ILKAP: variants seen among roughly 807,000 people sequenced by gnomAD.
The protein encoded by ILKAP is integrin-linked kinase-associated serine/threonine phosphatase 2C.
Under a neutral mutation model 49.1 loss-of-function variants are expected in ILKAP, and 11 were observed. That is an observed-to-expected ratio of 0.22 (90% confidence interval 0.14 to 0.37). The LOEUF is 0.37. Among genes scored for constraint, ILKAP ranks in the 10% least tolerant of loss-of-function variants. The probability of loss-of-function intolerance (pLI) is 1.00; values close to 1 mark genes in which losing one functional copy is unlikely to be tolerated. For missense variants in ILKAP, 363 were observed against 510.8 expected, an observed-to-expected ratio of 0.71 and a Z score of 2.79; for synonymous variants, 186 against 192.8, an observed-to-expected ratio of 0.96 and a Z score of 0.29.
chr2:238,194,178 A>G lies in ILKAP; in HGVS notation c.178+97T>C, dbSNP rs1694255561. The G allele has an allele frequency of 1.7e-5, 18 of 1,049,492 alleles. No homozygotes were observed. The South Asian group carries it at 2.5e-4, about 14-fold the overall frequency. 65.0% of individuals were successfully genotyped at this position (1,049,492 alleles called of 1,614,324 possible). On this transcript the variant is annotated intron_variant, in intron 3 of 11. Coordinates refer to ENST00000254654, the MANE Select transcript of ILKAP (RefSeq NM_030768.3). ...TTATGCTGTATTATGACTTAATGTC[A>G]TCCAAAATCCCGTTAAAACCTATAC...
At chr2:238,190,527 A>G (rs917242626) in intron 3 of ILKAP, among the ~76,000 whole-genome samples, 1 of 152,190 alleles carries the variant, frequency 6.6e-6, no homozygotes, top group African/African-American at 2.4e-5. Flanking sequence ...TTGAAATGAG[A>G]AAAGTCAAGT....
intron 5 of ILKAP, 88 bp from the exon 6 acceptor site, chr2:238,185,375 G>A (rs2106333693): frequency 2.4e-6 from 2 of 819,820 alleles, no homozygotes; most frequent in South Asian, 1.5e-5. Flanking sequence ...CTCAAAGAGT[G>A]AACATTAATA....
chr2:238,193,154 TAA>T (rs1196582271), intron 3 of ILKAP, among the ~76,000 whole-genome samples: 2 of 152,250 alleles, frequency 1.3e-5, no homozygotes, highest in African/African-American at 2.4e-5. Context: ...TGTAGATAAA[TAA>T]GAGACAGCTA....
chr2:238,176,150 T>TTTTA (rs1247530009), intron 9 of ILKAP, among the ~76,000 whole-genome samples: 2 of 148,022 alleles, frequency 1.4e-5, no homozygotes, highest in Non-Finnish European at 3.0e-5. Context: ...TTTTTTTTTT[T>TTTTA]TGAGACAGAG....
chr2:238,176,773 TTGCA>T (rs1191322758), intron 9 of ILKAP, among the ~76,000 whole-genome samples: 2 of 152,260 alleles, frequency 1.3e-5, no homozygotes, highest in East Asian at 3.8e-4. Flanking sequence ...TCAGCTCCTC[TTGCA>T]TGTCAGTAAA....
intron 9 of ILKAP, among the ~76,000 whole-genome samples, chr2:238,178,352 G>C (rs1015713748): frequency 3.9e-5 from 6 of 152,104 alleles, no homozygotes; most frequent in Admixed American, 1.3e-4. Flanking sequence ...TGGCTCCATG[G>C]TGCCATTTTT....
intron 5 of ILKAP, 91 bp from the exon 6 acceptor site, chr2:238,185,378 C>T (rs1306375642): frequency 6.3e-6 from 5 of 795,568 alleles, no homozygotes; most frequent in Non-Finnish European, 8.5e-6. Context: ...AAAGAGTGAA[C>T]ATTAATAAGT....
chr2:238,195,291 G>T (rs1261924110), intron 1 of ILKAP, among the ~76,000 whole-genome samples: 1 of 152,166 alleles, frequency 6.6e-6, no homozygotes, highest in Non-Finnish European at 1.5e-5. Flanking sequence ...GGGTGGGGTG[G>T]AGGAGGGGCC....
chr2:238,177,972 T>C (rs1193467053), intron 9 of ILKAP, among the ~76,000 whole-genome samples: 1 of 152,154 alleles, frequency 6.6e-6, no homozygotes, highest in Non-Finnish European at 1.5e-5. Context: ...CCCTGTAATT[T>C]ATAAAGGGAA....
chr2:238,198,467 G>A (rs948583474), intron 1 of ILKAP, among the ~76,000 whole-genome samples: 4 of 152,146 alleles, frequency 2.6e-5, no homozygotes, highest in East Asian at 1.9e-4. Context: ...ACGAACTACT[G>A]TACTCAAGCA....
chr2:238,185,326 C>T (rs746912013), intron 5 of ILKAP, 39 bp from the exon 6 acceptor site: 1 of 1,271,564 alleles, frequency 7.9e-7, no homozygotes, highest in South Asian at 1.2e-5. Flanking sequence ...ATTCTCACAG[C>T]AAAAACCACA....
chr2:238,170,443 T>A lies in ILKAP; in HGVS notation c.*93A>T. Reference sequence around the variant, plus strand: ...AAACCTTTATTTACAACCATGGGAGTCCCACAGGAGTACACAAAACACACA... The same window carrying A: ...AAACCTTTATTTACAACCATGGGAGACCCACAGGAGTACACAAAACACACA... On this transcript the variant is annotated 3_prime_UTR_variant, in exon 12 of 12. Transcript: ENST00000254654. The A allele has an allele frequency of 7.6e-7, 1 of 1,321,416 alleles. No homozygotes were observed. The highest frequency in any genetic ancestry group is 1.0e-6 in the Non-Finnish European group (1 of 972,820). 81.9% of individuals were successfully genotyped at this position (1,321,416 alleles called of 1,614,324 possible).
chr2:238,190,441 A>G (rs905277523), intron 3 of ILKAP, among the ~76,000 whole-genome samples: 8 of 152,170 alleles, frequency 5.3e-5, no homozygotes, highest in African/African-American at 1.9e-4. Context: ...AAGGCAAAAT[A>G]AGGCTGCCAC....
intron 9 of ILKAP, among the ~76,000 whole-genome samples, chr2:238,175,375 TA>T (rs1227634206): frequency 6.6e-6 from 1 of 152,176 alleles, no homozygotes; most frequent in Non-Finnish European, 1.5e-5. Flanking sequence ...ATTACAGGCG[TA>T]ATGTGGCCTC....
rs748991355 is a variant in ILKAP at position 238,194,297 on chromosome 2, T to A, written c.156A>T (p.Pro52=). 8.5e-5 allele frequency: 137 copies of A among 1,613,962 alleles called. No individual in the cohort carries two copies. The highest frequency in any genetic ancestry group is 1.1e-4 in the Non-Finnish European group (125 of 1,180,002). The change falls in exon 3 of 12, where the codon CCA becomes CCT. Residue 52 remains proline, a synonymous_variant. Coordinates refer to ENST00000254654, the MANE Select transcript of ILKAP (RefSeq NM_030768.3). ...SGGPLLFDDL[P]PASSGDSGSL... ...TACCTGAATCGCCACTGCTAGCGGG[T>A]GGGAGATCATCAAAAAGCAAAGGTC...
At position 238,188,466 on chromosome 2, in the gene ILKAP, G is replaced by A. The variant is rs1693993449; in HGVS notation, c.299-209C>T. The stretch of plus-strand genomic sequence containing the variant: ...CACTGTTGGACAGGGTGAGCTCTAA[G>A]AGGTTGCACAGGGACACAAAAGAGG... On this transcript the variant is annotated intron_variant, in intron 4 of 11. Transcript: ENST00000254654. 3 of 531,544 alleles carry A rather than the reference G, an allele frequency of 5.6e-6. No individual in the cohort carries two copies. The South Asian group carries it at 7.5e-5, about 13-fold the overall frequency. The allele number at this position is 531,544 out of a possible 1,614,324, so 32.9% of individuals were successfully genotyped here. A position where few individuals can be genotyped will look rare whatever the true frequency, so the allele number is the denominator to read the frequency against.
intron 1 of ILKAP, among the ~76,000 whole-genome samples, chr2:238,198,427 C>CA (rs1694435880): frequency 6.6e-6 from 1 of 151,910 alleles, no homozygotes; most frequent in African/African-American, 2.4e-5. Flanking sequence ...TTTGTAGAGA[C>CA]GGGGTCTCAC....
rs760791474 is a variant in ILKAP at position 238,182,079 on chromosome 2, A to C, written c.822T>G (p.Ala274=). ...QYEERMRIQK[A]GGNVRDGRVL... ...CCCTTGGTTACCTGACGTTTCCTCC[A>C]GCCTTCTGTATCCTCATCCGCTCTT... is the stretch of plus-strand genomic sequence containing the variant. Residue 274 remains alanine (A), a synonymous_variant, in exon 9 of 12, where the codon GCT becomes GCG. Transcript: ENST00000254654. The C allele has an allele frequency of 2.0e-5, 32 of 1,613,544 alleles. No individual in the cohort carries two copies. In the South Asian group the frequency reaches 3.2e-4, roughly 16 times the overall value.
intron 1 of ILKAP, among the ~76,000 whole-genome samples, chr2:238,197,160 C>T (rs548194389): frequency 6.6e-6 from 1 of 152,218 alleles, no homozygotes; most frequent in Non-Finnish European, 1.5e-5. Context: ...AGCGCCACTG[C>T]ACTCCAGCCT....
Sources: gnomAD v4.1 joint callset for allele counts (sites outside exome capture counted in the v4.1 genomes callset) on GRCh38, gnomAD v4.1.1 for gene constraint, MANE v1.5 for transcripts, NCBI Gene and HGNC (gene_info 2026-07-23, HGNC 2026-07-21) for gene names.